ATP10B: variants seen among roughly 807,000 people sequenced by gnomAD.
ATP10B encodes the protein ATPase phospholipid transporting 10B (putative), also known as phospholipid-transporting ATPase VB.
Under a neutral mutation model 141.2 loss-of-function variants are expected in ATP10B, and 122 were observed. The ratio of observed to expected loss-of-function variants is 0.86; its 90% confidence interval spans 0.75 to 1.00. The LOEUF (loss-of-function observed/expected upper bound fraction) is 1.00. ATP10B is among the 50% of genes least tolerant of loss of function. The pLI is 0.00. For synonymous variants in ATP10B, 685 were observed against 692.0 expected (o/e 0.99, Z 0.16); for missense variants, 1,876 against 1,825.3 (o/e 1.03, Z -0.51).
At chr5:160,892,977 G>A in the ATP10B span, among the ~76,000 whole-genome samples, 1 of 152,298 alleles carries the variant, frequency 6.6e-6, no homozygotes, top group South Asian at 2.1e-4. Flanking sequence ...AAGGGAAGCT[G>A]TGAGGGACTG....
At chr5:160,653,065 TATG>T (rs1761010871) in intron 7 of ATP10B, among the ~76,000 whole-genome samples, 1 of 118,582 alleles carries the variant, frequency 8.4e-6, no homozygotes, top group Non-Finnish European at 1.6e-5. Context: ...TGTATATATT[TATG>T]TATATATAGT....
chr5:160,858,905 T>G, the ATP10B span, among the ~76,000 whole-genome samples: 1 of 151,924 alleles, frequency 6.6e-6, no homozygotes, highest in African/African-American at 2.4e-5. Flanking sequence ...CTACATATAT[T>G]TAGAAGCAAA....
intron 2 of ATP10B, among the ~76,000 whole-genome samples, chr5:160,719,891 G>A (rs1402602531): frequency 1.3e-5 from 2 of 152,202 alleles, no homozygotes; most frequent in Non-Finnish European, 2.9e-5. Context: ...GGATTTATAT[G>A]CAGGTCTCTC....
chr5:160,588,918 C>T (rs1756090573), intron 24 of ATP10B, among the ~76,000 whole-genome samples: 1 of 152,152 alleles, frequency 6.6e-6, no homozygotes, highest in Non-Finnish European at 1.5e-5. Context: ...TCTAATCATT[C>T]ACCCTAAAAT....
At chr5:160,805,743 TTA>T (rs1772725835) in intron 1 of ATP10B, among the ~76,000 whole-genome samples, 1 of 152,148 alleles carries the variant, frequency 6.6e-6, no homozygotes, top group Non-Finnish European at 1.5e-5. Context: ...TGACTGCTGT[TTA>T]TGTGTGTGAG....
chr5:160,891,903 G>A, the ATP10B span, among the ~76,000 whole-genome samples: 24 of 152,358 alleles, frequency 1.6e-4, no homozygotes, highest in African/African-American at 5.5e-4. Flanking sequence ...CTATATGAGT[G>A]TAGGAATACT....
At chr5:160,911,752 C>T in the ATP10B span, among the ~76,000 whole-genome samples, 2 of 152,164 alleles carry the variant, frequency 1.3e-5, no homozygotes, top group South Asian at 4.1e-4. Flanking sequence ...GAGGATTATA[C>T]ACTTACAGAT....
chr5:160,703,018 C>T (rs1764765952), intron 3 of ATP10B, among the ~76,000 whole-genome samples: 1 of 152,110 alleles, frequency 6.6e-6, no homozygotes, highest in Non-Finnish European at 1.5e-5. Context: ...GGAACTGAAA[C>T]TGTTGGGGTC....
the ATP10B span, among the ~76,000 whole-genome samples, chr5:160,879,631 G>A: frequency 4.6e-5 from 7 of 151,644 alleles, no homozygotes; most frequent in African/African-American, 1.7e-4. Context: ...GAGGTCAAGA[G>A]ATGGAGACCA....
chr5:160,679,810 C>A (rs1344858806), intron 6 of ATP10B, among the ~76,000 whole-genome samples: 1 of 152,210 alleles, frequency 6.6e-6, no homozygotes, highest in Non-Finnish European at 1.5e-5. Flanking sequence ...TGGATTCCCT[C>A]AGTTCCCATT....
chr5:160,813,158 C>T (rs1434323356), intron 1 of ATP10B, among the ~76,000 whole-genome samples: 1 of 152,162 alleles, frequency 6.6e-6, no homozygotes, highest in Non-Finnish European at 1.5e-5. Context: ...GTGCAGTGCA[C>T]CGAGCATGAG....
chr5:160,838,402 C>T (rs1775596260), intron 1 of ATP10B, among the ~76,000 whole-genome samples: 1 of 152,200 alleles, frequency 6.6e-6, no homozygotes, highest in Admixed American at 6.5e-5. Flanking sequence ...GGTTATCAGG[C>T]AGGGCCAACC....
At chr5:160,813,943 TAACA>T (rs750104701) in intron 1 of ATP10B, among the ~76,000 whole-genome samples, 17 of 151,986 alleles carry the variant, frequency 1.1e-4, no homozygotes, top group Non-Finnish European at 2.5e-4. Context: ...GAAGGAAAAC[TAACA>T]AACAGAAAGG....
At chr5:160,602,328 T>A (rs1197873164) in intron 21 of ATP10B, among the ~76,000 whole-genome samples, 1 of 152,234 alleles carries the variant, frequency 6.6e-6, no homozygotes, top group African/African-American at 2.4e-5. Context: ...CAGCTATTCA[T>A]GCTGCCCTCT....
At chr5:160,892,378 C>T in the ATP10B span, among the ~76,000 whole-genome samples, 3 of 152,334 alleles carry the variant, frequency 2.0e-5, no homozygotes, top group East Asian at 3.9e-4. Context: ...GAACTATGTC[C>T]CCCAAACGTC....
chr5:160,874,408 A>C, the ATP10B span, among the ~76,000 whole-genome samples: 1 of 152,218 alleles, frequency 6.6e-6, no homozygotes, highest in Non-Finnish European at 1.5e-5. Context: ...AAAGACCAAA[A>C]GTAGATAAAA....
chr5:160,762,526 T>TACCA (rs1254153392), intron 2 of ATP10B, among the ~76,000 whole-genome samples: 7 of 152,174 alleles, frequency 4.6e-5, no homozygotes, highest in South Asian at 4.1e-4. Flanking sequence ...AATTTGCCAC[T>TACCA]ACCAAGCCAG....
intron 3 of ATP10B, among the ~76,000 whole-genome samples, chr5:160,689,838 C>A (rs138415599): frequency 0.25 from 37,719 of 152,004 alleles, 5,755 homozygotes; most frequent in East Asian, 0.69. Context: ...ACTTTCTTCA[C>A]AGAATTTGAA....
At chr5:160,683,534 T>TC (rs1209805060) in intron 6 of ATP10B, among the ~76,000 whole-genome samples, 3 of 152,206 alleles carry the variant, frequency 2.0e-5, no homozygotes, top group African/African-American at 7.2e-5. Flanking sequence ...AGAGAACCCC[T>TC]CCTTAGAAGT....
Sources: gnomAD v4.1 joint callset for allele counts (sites outside exome capture counted in the v4.1 genomes callset) on GRCh38, gnomAD v4.1.1 for gene constraint, MANE v1.5 for transcripts, NCBI Gene and HGNC (gene_info 2026-07-23, HGNC 2026-07-21) for gene names.